The following KIF13B variants were observed in gnomAD, a reference collection of about 807,000 sequenced individuals.
KIF13B encodes kinesin-like protein KIF13B.
In KIF13B, 127 loss-of-function variants were observed where a neutral mutation model predicts 222.0. That is an observed-to-expected ratio of 0.57 (90% CI 0.50 to 0.66). The LOEUF is 0.66. KIF13B is among the 30% of genes least tolerant of loss of function. The pLI is 0.00. For synonymous variants in KIF13B, 976 were observed against 919.0 expected (o/e 1.06, Z -1.12); for missense variants, 2,173 against 2,379.0 (o/e 0.91, Z 1.80).
In KIF13B at chr8:29,132,405, T is replaced by C. The variant is rs771358165; in HGVS notation, c.2845A>G (p.Ile949Val). The change falls in exon 23 of 40, where the codon ATT becomes GTT. Residue 949 changes from isoleucine (I) to valine (V), a missense_variant. Ile to Val is a conservative substitution (Grantham distance 29, BLOSUM62 3). Coordinates refer to ENST00000524189, the MANE Select transcript of KIF13B (RefSeq NM_015254.4). ...IEHLSEGALAIEVYGHKINDP... is the reference protein window; with the variant it reads ...IEHLSEGALAVEVYGHKINDP... ...TTTATTTTATGTCCATATACTTCAA[T>C]TGCCAATGCTCCTTCGGAAAGATGC... The C allele has an allele frequency of 2.5e-6, 4 of 1,593,914 alleles. No individual in the cohort carries two copies. The highest frequency in any genetic ancestry group is 1.7e-4 in the Middle Eastern group (1 of 5,992).
chr8:29,091,932 T>A (rs1034071627), intron 37 of KIF13B, among the ~76,000 whole-genome samples: 1 of 152,246 alleles, frequency 6.6e-6, no homozygotes, highest in African/African-American at 2.4e-5. Context: ...ATAAAACTAA[T>A]TCCTTCTCCC....
Position 29,070,552 on chromosome 8 carries a change from G to C in KIF13B, c.5433C>G (p.Ala1811=), listed in dbSNP as rs750097649. Reference sequence around the variant, plus strand: ...TCTCAGGGTTCTTGTGGCTCCTGTCGGCCTTGGCCAGGGCAGCTGTCAGCG... The same window carrying C: ...TCTCAGGGTTCTTGTGGCTCCTGTCCGCCTTGGCCAGGGCAGCTGTCAGCG... ...LASLTAALAK[A]DRSHKNPENR... is the part of the protein sequence containing the mutation. The change falls in exon 40 of 40, where the codon GCC becomes GCG. Residue 1811 remains alanine, a synonymous_variant. Transcript: ENST00000524189. The surrounding 1 kb of genome is among the most constrained non-coding windows in gnomAD (Gnocchi z 4.1). 2.5e-6 allele frequency: 4 copies of C among 1,608,878 alleles called. No homozygotes were observed. Among genetic ancestry groups the C allele is most frequent in the South Asian group, 2.2e-5 (2 of 90,350 alleles).
At chr8:29,131,351 GA>G (rs958627635) in intron 23 of KIF13B, among the ~76,000 whole-genome samples, 2 of 146,524 alleles carry the variant, frequency 1.4e-5, no homozygotes, top group African/African-American at 2.5e-5. Flanking sequence ...AAAAAAAAAG[GA>G]AAAAAAAAGC....
intron 32 of KIF13B, chr8:29,110,581 C>T (rs1443523687): frequency 6.5e-6 from 1 of 154,682 alleles, no homozygotes; most frequent in Non-Finnish European, 1.4e-5. Flanking sequence ...CTGACATATT[C>T]AGAACATGGC....
chr8:29,130,799 G>A (rs1372776557), intron 23 of KIF13B, 134 bp from the exon 24 acceptor site: 2 of 748,960 alleles, frequency 2.7e-6, no homozygotes, highest in Non-Finnish European at 4.4e-6. Context: ...CTGTAGTTCA[G>A]TGAATACCAT....
At chr8:29,245,235 G>A in intron 2 of KIF13B, 111 bp downstream of exon 2, 2 of 728,096 alleles carry the variant, frequency 2.7e-6, no homozygotes, top group Non-Finnish European at 4.7e-6. Context: ...ACAGCAATAT[G>A]TCTCTACAGG....
At chr8:29,077,649 C>G (rs982114591) in intron 37 of KIF13B, among the ~76,000 whole-genome samples, 2 of 152,200 alleles carry the variant, frequency 1.3e-5, no homozygotes, top group African/African-American at 4.8e-5. Flanking sequence ...CACATGATTC[C>G]TGCCCTCTGA....
chr8:29,207,431 T>C (rs1814000897), intron 2 of KIF13B, among the ~76,000 whole-genome samples: 1 of 152,176 alleles, frequency 6.6e-6, no homozygotes, highest in South Asian at 2.1e-4. Flanking sequence ...GCGAGCTCCC[T>C]GAGGACACAG....
At chr8:29,178,830 C>G (rs1652578683) in intron 8 of KIF13B, among the ~76,000 whole-genome samples, 1 of 152,052 alleles carries the variant, frequency 6.6e-6, no homozygotes, top group Non-Finnish European at 1.5e-5. Context: ...GATTATTTTA[C>G]CTTCTGGTAT....
chr8:29,108,010 A>T (rs1809174395), intron 35 of KIF13B, 129 bp downstream of exon 35: 2 of 716,360 alleles, frequency 2.8e-6, no homozygotes, highest in Admixed American at 2.9e-5. Flanking sequence ...AACACTTTCA[A>T]GTAAGTTTCA....
intron 21 of KIF13B, among the ~76,000 whole-genome samples, chr8:29,138,070 C>T (rs1810643740): frequency 6.6e-6 from 1 of 152,210 alleles, no homozygotes; most frequent in Non-Finnish European, 1.5e-5. Flanking sequence ...AAAAATTAGT[C>T]CGGATATGGT....
At chr8:29,083,516 A>T (rs1807905868) in intron 37 of KIF13B, among the ~76,000 whole-genome samples, 1 of 151,148 alleles carries the variant, frequency 6.6e-6, no homozygotes, top group Non-Finnish European at 1.5e-5. Context: ...AGGGAATTTT[A>T]GTTACATTTC....
Position 29,132,328 on chromosome 8 carries a change from CTT to C in KIF13B, c.2920_2921del (p.Lys974AspfsTer3), listed in dbSNP as rs759785390. ...TTCACCTGTCCCGAAGACTACGTGTCTTTGCTTGGATGATTCCCAAATCCCAC... is the reference window on the plus strand; with the variant it reads ...TTCACCTGTCCCGAAGACTACGTGTCTGCTTGGATGATTCCCAAATCCCAC... ...ALWDLGIIQA[K>X]TRSLRDRWSE... On this transcript the variant is annotated frameshift_variant, in exon 23 of 40. Coordinates refer to ENST00000524189, the MANE Select transcript of KIF13B (RefSeq NM_015254.4). LOFTEE classifies it high-confidence loss of function. 6.4e-7 allele frequency: 1 copy of C among 1,564,698 alleles called. No individual in the cohort carries two copies. The highest frequency in any genetic ancestry group is 2.4e-5 in the East Asian group (1 of 42,534).
Position 29,146,417 on chromosome 8 carries a change from G to A in KIF13B, c.2148C>T (p.Thr716=). ...ELDKRTEYKV[T]LQIPASSLDA... is the part of the protein sequence containing the mutation. ...CCAGGCTGGAGGCTGGAATCTGTAG[G>A]GTAACTTTGTATTCTGTTCTTTTAT... The change falls in exon 18 of 40, where the codon ACC becomes ACT. Residue 716 remains threonine, a synonymous_variant. Coordinates refer to ENST00000524189, the MANE Select transcript of KIF13B (RefSeq NM_015254.4). 6.2e-7 allele frequency: 1 copy of A among 1,613,734 alleles called. No homozygotes were observed. Among genetic ancestry groups the A allele is most frequent in the Non-Finnish European group, 8.5e-7 (1 of 1,179,794 alleles).
At chr8:29,157,161 G>A (rs1483453029) in intron 13 of KIF13B, among the ~76,000 whole-genome samples, 1 of 151,570 alleles carries the variant, frequency 6.6e-6, no homozygotes, top group Non-Finnish European at 1.5e-5. Context: ...CAGCCTCCAG[G>A]ATCTCTTGCC....
intron 37 of KIF13B, among the ~76,000 whole-genome samples, chr8:29,088,187 A>T (rs936457172): frequency 6.6e-6 from 1 of 151,668 alleles, no homozygotes; most frequent in African/African-American, 2.4e-5. Flanking sequence ...AATCACTTGA[A>T]CCTGAGAAGC....
chr8:29,130,075 T>G (rs142682794), intron 24 of KIF13B, among the ~76,000 whole-genome samples: 447 of 152,348 alleles, frequency 2.9e-3, no homozygotes, highest in African/African-American at 0.01. Flanking sequence ...TTTGATATGT[T>G]TGGTTTATGT....
At chr8:29,086,052 G>A (rs971684216) in intron 37 of KIF13B, among the ~76,000 whole-genome samples, 1 of 152,018 alleles carries the variant, frequency 6.6e-6, no homozygotes, top group African/African-American at 2.4e-5. Context: ...CTTAGTCATT[G>A]TTTGGTGAAG....
chr8:29,151,405 T>G (rs1363969426), intron 14 of KIF13B, among the ~76,000 whole-genome samples: 1 of 152,198 alleles, frequency 6.6e-6, no homozygotes, highest in Non-Finnish European at 1.5e-5. Context: ...GAAACAGACT[T>G]CTACTGGAAG....
Sources: allele counts gnomAD v4.1 joint callset (sites outside exome capture counted in the v4.1 genomes callset), GRCh38; gene constraint gnomAD v4.1.1; non-coding constraint Gnocchi (gnomAD v3.1); transcripts MANE v1.5; gene names NCBI Gene and HGNC (gene_info 2026-07-23, HGNC 2026-07-21).